Variants in KCNK1 observed in about 807,000 individuals in gnomAD.
KCNK1 encodes the protein potassium channel subfamily K member 1.
KCNK1 carries 10 observed loss-of-function variants against 22.2 expected under a neutral mutation model. That is an observed-to-expected ratio of 0.45 (90% CI 0.28 to 0.76). The LOEUF (loss-of-function observed/expected upper bound fraction) is 0.76, where lower values mean the gene tolerates loss of function less well. Among genes scored for constraint, KCNK1 ranks in the 30% least tolerant of loss-of-function variants. KCNK1 has a pLI of 0.14. For missense variants in KCNK1, 378 were observed against 421.0 expected, an observed-to-expected ratio of 0.90 and a Z score of 0.89; for synonymous variants, 200 against 186.4, an observed-to-expected ratio of 1.07 and a Z score of -0.60.
intron 2 of KCNK1, among the ~76,000 whole-genome samples, chr1:233,669,186 A>G (rs1157332975): frequency 1.3e-5 from 2 of 152,048 alleles, no homozygotes; most frequent in Non-Finnish European, 2.9e-5. Flanking sequence ...ATTATAGGTG[A>G]TTGTTTTGTT....
chr1:233,639,291 AG>A (rs1657964207), intron 1 of KCNK1, among the ~76,000 whole-genome samples: 1 of 152,222 alleles, frequency 6.6e-6, no homozygotes, highest in South Asian at 2.1e-4. Context: ...TGACTCTACA[AG>A]TATATTTTTC....
chr1:233,632,829 C>T, intron 1 of KCNK1, among the ~76,000 whole-genome samples: 1 of 152,132 alleles, frequency 6.6e-6, no homozygotes, highest in East Asian at 1.9e-4. Flanking sequence ...GCTGTTCTCC[C>T]TCATCAGGTT....
intron 1 of KCNK1, among the ~76,000 whole-genome samples, chr1:233,622,947 C>T (rs1657617151): frequency 6.6e-6 from 1 of 152,036 alleles, no homozygotes; most frequent in Non-Finnish European, 1.5e-5. Flanking sequence ...AAAGCCTGCC[C>T]GCTGCTGCCT....
chr1:233,632,843 T>G (rs1657830828), intron 1 of KCNK1, among the ~76,000 whole-genome samples: 1 of 152,150 alleles, frequency 6.6e-6, no homozygotes, highest in Non-Finnish European at 1.5e-5. Context: ...TCAGGTTCAT[T>G]AGCAGTTCAG....
chr1:233,632,786 C>T (rs771047681), intron 1 of KCNK1, among the ~76,000 whole-genome samples: 4 of 152,160 alleles, frequency 2.6e-5, no homozygotes, highest in African/African-American at 9.7e-5. Context: ...TGTGCACCTT[C>T]CTGACTGGCA....
intron 1 of KCNK1, among the ~76,000 whole-genome samples, chr1:233,637,886 G>A (rs1207713369): frequency 2.6e-5 from 4 of 152,054 alleles, no homozygotes; most frequent in Non-Finnish European, 5.9e-5. Context: ...TCAATGGGTT[G>A]TGGAGGGAGA....
chr1:233,667,526 C>A (rs368206986), intron 2 of KCNK1, among the ~76,000 whole-genome samples: 9 of 151,824 alleles, frequency 5.9e-5, no homozygotes, highest in African/African-American at 2.2e-4. Flanking sequence ...GTCAGGAGAT[C>A]GAGACCATCC....
intron 1 of KCNK1, among the ~76,000 whole-genome samples, chr1:233,639,912 T>A (rs1369837187): frequency 6.6e-6 from 1 of 152,186 alleles, no homozygotes; most frequent in Non-Finnish European, 1.5e-5. Context: ...TGTTTCCTGC[T>A]CTGGGCAGTT....
At chr1:233,644,426 A>G (rs1658054789) in intron 1 of KCNK1, among the ~76,000 whole-genome samples, 1 of 152,222 alleles carries the variant, frequency 6.6e-6, no homozygotes, top group South Asian at 2.1e-4. Context: ...ACAATGATAA[A>G]CAAGACAAAC....
In KCNK1 at chr1:233,627,295, G is replaced by A. The variant is rs570378381; in HGVS notation, c.355+12769G>A. 2.6e-4 allele frequency among the ~76,000 whole-genome samples: 40 copies of A among 152,126 alleles called. 1 individual carries two copies. Among genetic ancestry groups the A allele is most frequent in the African/African-American group, 9.4e-4 (39 of 41,488 alleles). On this transcript the variant is annotated intron_variant, in intron 1 of 2. Coordinates refer to ENST00000366621, the MANE Select transcript of KCNK1 (RefSeq NM_002245.4). The stretch of plus-strand genomic sequence containing the variant: ...GCCACAGCTTGTAAATAACAGGAAG[G>A]GAAATAAAGTGTTTTAAACTAGAAT...
chr1:233,614,815 G>T (rs1049589716), intron 1 of KCNK1, among the ~76,000 whole-genome samples: 1 of 152,196 alleles, frequency 6.6e-6, no homozygotes, highest in Non-Finnish European at 1.5e-5. Flanking sequence ...TAACTCTGGG[G>T]AAGTGGTCCC....
At chr1:233,615,242 T>C (rs1657467504) in intron 1 of KCNK1, among the ~76,000 whole-genome samples, 1 of 152,196 alleles carries the variant, frequency 6.6e-6, no homozygotes, top group African/African-American at 2.4e-5. Context: ...CTGACTTAAT[T>C]GGGGCACCCT....
At chr1:233,670,698 G>C (rs1658581560) in intron 2 of KCNK1, among the ~76,000 whole-genome samples, 3 of 152,126 alleles carry the variant, frequency 2.0e-5, no homozygotes, top group Admixed American at 2.0e-4. Context: ...CTCCCACCAG[G>C]TCCCTCCAAC....
intron 1 of KCNK1, among the ~76,000 whole-genome samples, chr1:233,664,075 C>T (rs1320816498): frequency 6.6e-6 from 1 of 152,090 alleles, no homozygotes; most frequent in Non-Finnish European, 1.5e-5. Context: ...CGTGATCCGC[C>T]CGCCTCGCCC....
Position 233,671,780 on chromosome 1 carries a change from T to C in KCNK1, c.*250T>C. On this transcript the variant is annotated 3_prime_UTR_variant, in exon 3 of 3. Transcript: ENST00000366621. ...AAAATTCATATGTGACAAAATTATCTCGACCTTACATAGGAGGAGAATACT... is the reference window on the plus strand; with the variant it reads ...AAAATTCATATGTGACAAAATTATCCCGACCTTACATAGGAGGAGAATACT... 1.9e-6 allele frequency: 1 copy of C among 518,488 alleles called. No homozygotes were observed. Among genetic ancestry groups the C allele is most frequent in the Non-Finnish European group, 3.4e-6 (1 of 290,946 alleles). 32.1% of individuals were successfully genotyped at this position (518,488 alleles called of 1,614,324 possible).
rs763068423 is a variant in KCNK1 at position 233,671,347 on chromosome 1, C to A, written c.828C>A (p.Phe276Leu). The change falls in exon 3 of 3, where the codon TTC (phenylalanine) becomes TTA (leucine). Residue 276 changes from phenylalanine (F) to leucine (L), a missense_variant. By Grantham distance (22) the Phe-to-Leu change is conservative. Transcript: ENST00000366621. The part of the protein sequence containing the change: ...TFCELHELKK[F>L]RKMFYVKKDK... Reference sequence around the variant, plus strand: ...GTGAACTCCATGAGCTGAAAAAATTCAGAAAAATGTTCTATGTGAAGAAGG... The same window carrying A: ...GTGAACTCCATGAGCTGAAAAAATTAAGAAAAATGTTCTATGTGAAGAAGG... 2 of 1,614,152 alleles carry A rather than the reference C, an allele frequency of 1.2e-6. No homozygotes were observed. The highest frequency in any genetic ancestry group is 8.5e-7 in the Non-Finnish European group (1 of 1,180,022).
intron 1 of KCNK1, among the ~76,000 whole-genome samples, chr1:233,618,622 A>T (rs144062133): frequency 0.025 from 3,813 of 152,324 alleles, 150 homozygotes; most frequent in African/African-American, 0.086. Context: ...GCGGTGGCTC[A>T]CGCCTGTAAT....
At position 233,671,213 on chromosome 1, in the gene KCNK1, G is replaced by A. The variant is rs375764835; in HGVS notation, c.752-58G>A. ...CATGAGGTGGGGAGGTAAATCACTC[G>A]CTACTTGATTTATCCATGTTGAGAT... On this transcript the variant is annotated intron_variant, in intron 2 of 2. Coordinates refer to ENST00000366621, the MANE Select transcript of KCNK1 (RefSeq NM_002245.4). 9.3e-4 allele frequency: 1,395 copies of A among 1,506,934 alleles called. 19 individuals carry two copies. In the South Asian group the frequency reaches 0.015, roughly 16 times the overall value. The allele number at this position is 1,506,934 out of a possible 1,614,324, so 93.3% of individuals were successfully genotyped here.
intron 1 of KCNK1, among the ~76,000 whole-genome samples, chr1:233,652,419 C>T (rs2102902373): frequency 6.6e-6 from 1 of 152,296 alleles, no homozygotes; most frequent in South Asian, 2.1e-4. Context: ...CATGCATCTG[C>T]TTTCAGATCT....
Sources: gnomAD v4.1 joint callset for allele counts (sites outside exome capture counted in the v4.1 genomes callset) on GRCh38, gnomAD v4.1.1 for gene constraint, MANE v1.5 for transcripts, NCBI Gene and HGNC (gene_info 2026-07-23, HGNC 2026-07-21) for gene names.